Variants in CNOT6L observed in about 807,000 individuals in gnomAD.
The protein encoded by CNOT6L is CCR4-NOT transcription complex subunit 6-like.
In CNOT6L, 7 loss-of-function variants were observed where a neutral mutation model predicts 64.0. The ratio of observed to expected loss-of-function variants is 0.11; its 90% CI spans 0.06 to 0.21. The LOEUF is 0.21. Among genes scored for constraint, CNOT6L ranks in the 10% least tolerant of loss-of-function variants. The probability of loss-of-function intolerance (pLI) is 1.00; values close to 1 mark genes in which losing one functional copy is unlikely to be tolerated. For synonymous variants in CNOT6L, 193 were observed against 243.4 expected, an observed-to-expected ratio of 0.79 and a Z score of 1.93; for missense variants, 245 against 669.0, an observed-to-expected ratio of 0.37 and a Z score of 6.99.
chr4:77,727,013 T>C lies in CNOT6L; in HGVS notation c.1253-644A>G, dbSNP rs193244468. 1.8e-4 allele frequency among the ~76,000 whole-genome samples: 28 copies of C among 152,266 alleles called. No individual in the cohort carries two copies. The East Asian group carries it at 5.4e-3, about 29-fold the overall frequency. Reference sequence around the variant, plus strand: ...GAAAAGTGCACTGCTTCCACTGAATTAGCAAACATGAAAACAGTATCAAAA... The same window carrying C: ...GAAAAGTGCACTGCTTCCACTGAATCAGCAAACATGAAAACAGTATCAAAA... On this transcript the variant is annotated intron_variant, in intron 10 of 11. Coordinates refer to ENST00000504123, the MANE Select transcript of CNOT6L (RefSeq NM_144571.3).
At chr4:77,777,928 CACTT>C (rs1180229289) in intron 1 of CNOT6L, among the ~76,000 whole-genome samples, 3 of 152,188 alleles carry the variant, frequency 2.0e-5, no homozygotes, top group African/African-American at 4.8e-5. Context: ...CATTCCTTTC[CACTT>C]ACTTAAAGGA....
Position 77,726,156 on chromosome 4 carries a change from C to T in CNOT6L, c.1455+11G>A, listed in dbSNP as rs757003627. 1 of 1,611,988 alleles carries T rather than the reference C, an allele frequency of 6.2e-7. No individual in the cohort carries two copies. The highest frequency in any genetic ancestry group is 1.7e-5 in the Admixed American group (1 of 60,008). ...AATAATTTCTACACCTGCCCAAAGG[C>T]TGCCACTCACTTTGAAATCAAAGGT... On this transcript the variant is annotated intron_variant, in intron 11 of 11. Transcript: ENST00000504123.
intron 1 of CNOT6L, among the ~76,000 whole-genome samples, chr4:77,793,780 T>C (rs988146627): frequency 3.3e-5 from 5 of 151,978 alleles, no homozygotes; most frequent in African/African-American, 4.8e-5. Flanking sequence ...GCAGTAAGAG[T>C]GTACAGGTAT....
intron 1 of CNOT6L, among the ~76,000 whole-genome samples, chr4:77,801,187 C>T (rs1476179761): frequency 6.6e-6 from 1 of 152,168 alleles, no homozygotes; most frequent in Non-Finnish European, 1.5e-5. Flanking sequence ...AAACCAGCCA[C>T]TGAAAAGTAG....
intron 1 of CNOT6L, among the ~76,000 whole-genome samples, chr4:77,791,022 A>T (rs1165270084): frequency 6.6e-6 from 1 of 152,018 alleles, no homozygotes; most frequent in African/African-American, 2.4e-5. Context: ...TCATACCTGT[A>T]ATCCCAGCAC....
At chr4:77,768,273 T>C (rs992090990) in intron 4 of CNOT6L, among the ~76,000 whole-genome samples, 1 of 151,804 alleles carries the variant, frequency 6.6e-6, no homozygotes. Context: ...GAGACTAGCC[T>C]GGCCAGCATG....
At chr4:77,792,215 A>G (rs1467279237) in intron 1 of CNOT6L, among the ~76,000 whole-genome samples, 1 of 152,186 alleles carries the variant, frequency 6.6e-6, no homozygotes, top group Non-Finnish European at 1.5e-5. Context: ...GTGCAATGAC[A>G]TATAAAAAAG....
chr4:77,815,947 T>C (rs1448823959), intron 1 of CNOT6L, among the ~76,000 whole-genome samples: 1 of 152,240 alleles, frequency 6.6e-6, no homozygotes, highest in Non-Finnish European at 1.5e-5. Flanking sequence ...GTAAACTTCT[T>C]TGAAATTTTG....
chr4:77,737,398 G>C (rs1577930900), intron 8 of CNOT6L, among the ~76,000 whole-genome samples: 2 of 136,534 alleles, frequency 1.5e-5, no homozygotes, highest in South Asian at 2.4e-4. Context: ...TCCTATATTT[G>C]TACCGTTCTT....
At chr4:77,742,495 A>G (rs960948039) in intron 7 of CNOT6L, 200 bp from the exon 8 acceptor site, 5 of 639,356 alleles carry the variant, frequency 7.8e-6, no homozygotes, top group Non-Finnish European at 1.4e-5. Context: ...CAGAAAGGTG[A>G]CATGATTTTC....
intron 10 of CNOT6L, among the ~76,000 whole-genome samples, chr4:77,727,211 T>C (rs773213218): frequency 2.6e-5 from 4 of 152,206 alleles, no homozygotes; most frequent in Non-Finnish European, 4.4e-5. Context: ...AGTGCTTTAT[T>C]CATGTAAATC....
intron 1 of CNOT6L, among the ~76,000 whole-genome samples, chr4:77,792,316 A>AT (rs1437268858): frequency 1.3e-5 from 2 of 152,162 alleles, no homozygotes; most frequent in African/African-American, 2.4e-5. Flanking sequence ...ACTTTAAGCC[A>AT]TCAGTTTGAA....
chr4:77,819,074 A>ACACACACACACACACC (rs368900394), intron 1 of CNOT6L: 50 of 720,390 alleles, frequency 6.9e-5, no homozygotes, highest in Admixed American at 1.7e-4. Flanking sequence ...ACACACACAC[A>ACACACACACACACACC]CCCCGGAACC....
In CNOT6L at chr4:77,759,550, G is replaced by A. The variant is rs560438187; in HGVS notation, c.401-2599C>T. Among the ~76,000 whole-genome samples the A allele has an allele frequency of 9.9e-5, 15 of 150,818 alleles. 1 individual carries two copies. In the South Asian group the frequency reaches 3.2e-3, roughly 32 times the overall value. On this transcript the variant is annotated intron_variant, in intron 4 of 11. Coordinates refer to ENST00000504123, the MANE Select transcript of CNOT6L (RefSeq NM_144571.3). ...ACTGCACTCCAGCCTGGGCGACACA[G>A]CGTGACTCCGTCTCCAAAAAAGAAG...
chr4:77,748,387 G>C lies in CNOT6L; in HGVS notation c.491-3C>G. 1 of 1,607,092 alleles carries C rather than the reference G, an allele frequency of 6.2e-7. No homozygotes were observed. The highest frequency in any genetic ancestry group is 8.5e-7 in the Non-Finnish European group (1 of 1,174,946). On this transcript the variant is annotated splice_region_variant and splice_polypyrimidine_tract_variant and intron_variant, in intron 5 of 11. Transcript: ENST00000504123. Reference sequence around the variant, plus strand: ...CGGAGGAAGCTGCTCTGGATGAACTGAAAAAAATTTTGTAAATATAGGTTA... The same window carrying C: ...CGGAGGAAGCTGCTCTGGATGAACTCAAAAAAATTTTGTAAATATAGGTTA...
chr4:77,739,276 ACT>A, intron 8 of CNOT6L, among the ~76,000 whole-genome samples: 1 of 152,318 alleles, frequency 6.6e-6, no homozygotes, highest in Middle Eastern at 3.4e-3. Context: ...ATTATCAGAT[ACT>A]CTGATTACAG....
intron 4 of CNOT6L, among the ~76,000 whole-genome samples, chr4:77,768,066 C>T (rs1481339354): frequency 2.0e-5 from 3 of 149,376 alleles, no homozygotes; most frequent in Non-Finnish European, 4.4e-5. Context: ...TAAGATGATA[C>T]AAGAGAATAT....
chr4:77,717,332 T>G lies in CNOT6L; in HGVS notation c.*3099A>C, dbSNP rs1242599930. On this transcript the variant is annotated 3_prime_UTR_variant, in exon 12 of 12. Transcript: ENST00000504123. ...AGAGAGTGGGTGACTTGACATGCACTTGTATGACTGTAATAATGGCAAACA... is the reference window on the plus strand; with the variant it reads ...AGAGAGTGGGTGACTTGACATGCACGTGTATGACTGTAATAATGGCAAACA... The G allele has an allele frequency of 6.6e-6, 1 of 152,510 alleles. No homozygotes were observed. The highest frequency in any genetic ancestry group is 1.5e-5 in the Non-Finnish European group (1 of 68,012). 9.4% of individuals were successfully genotyped at this position (152,510 alleles called of 1,614,324 possible).
intron 4 of CNOT6L, among the ~76,000 whole-genome samples, chr4:77,759,096 G>GA (rs1034076205): frequency 2.0e-5 from 3 of 151,968 alleles, no homozygotes; most frequent in African/African-American, 7.3e-5. Flanking sequence ...ATTAGAGAGA[G>GA]AAGTGAGAAA....
Sources: allele counts gnomAD v4.1 joint callset (sites outside exome capture counted in the v4.1 genomes callset), GRCh38; gene constraint gnomAD v4.1.1; transcripts MANE v1.5; gene names NCBI Gene and HGNC (gene_info 2026-07-23, HGNC 2026-07-21).